Variants in GRIP1 observed in about 807,000 individuals in gnomAD.
GRIP1 encodes the protein glutamate receptor interacting protein 1.
A neutral mutation model predicts 129.9 loss-of-function variants in GRIP1; 45 were observed. The ratio of observed to expected loss-of-function variants is 0.35; its 90% CI spans 0.27 to 0.44. The LOEUF (loss-of-function observed/expected upper bound fraction) is 0.44. Ranked by LOEUF, GRIP1 falls within the 20% of genes least tolerant of loss-of-function variation. The probability of loss-of-function intolerance (pLI) is 1.00; values close to 1 mark genes in which losing one functional copy is unlikely to be tolerated. For synonymous variants in GRIP1, 530 were observed against 520.8 expected (o/e 1.02, Z -0.24); for missense variants, 1,196 against 1,396.8 (o/e 0.86, Z 2.29).
intron 1 of GRIP1, among the ~76,000 whole-genome samples, chr12:66,737,054 T>G (rs947541973): frequency 6.6e-6 from 1 of 152,134 alleles, no homozygotes; most frequent in Admixed American, 6.6e-5. Context: ...TTAGAAGAGC[T>G]GGCCACGATC....
chr12:66,502,058 T>G (rs1026393532), intron 7 of GRIP1, among the ~76,000 whole-genome samples: 4 of 152,194 alleles, frequency 2.6e-5, no homozygotes, highest in Non-Finnish European at 5.9e-5. Flanking sequence ...TTATAGCATT[T>G]TTGTTTTGTA....
chr12:66,866,615 T>C (rs1309486652), intron 1 of GRIP1, among the ~76,000 whole-genome samples: 1 of 152,004 alleles, frequency 6.6e-6, no homozygotes, highest in African/African-American at 2.4e-5. Flanking sequence ...TAACTTAGAG[T>C]GTAATTGGGT....
chr12:66,698,484 G>A (rs1448220128), intron 1 of GRIP1, among the ~76,000 whole-genome samples: 5 of 152,116 alleles, frequency 3.3e-5, no homozygotes, highest in African/African-American at 1.2e-4. Flanking sequence ...CACACGCAAG[G>A]CAGAACTTCA....
At chr12:66,723,239 TCTTCCTTC>T (rs1187415539) in intron 1 of GRIP1, among the ~76,000 whole-genome samples, 49 of 23,588 alleles carry the variant, frequency 2.1e-3, no homozygotes, top group East Asian at 5.9e-3. Flanking sequence ...TCTCTCTCTC[TCTTCCTTC>T]CTTCCTTCCT....
At chr12:66,642,284 G>T (rs889165580) in intron 1 of GRIP1, among the ~76,000 whole-genome samples, 4 of 98,704 alleles carry the variant, frequency 4.1e-5, no homozygotes, top group Admixed American at 1.8e-4. Context: ...GAGAACTCCA[G>T]CAAGAGGGAA....
intron 5 of GRIP1, among the ~76,000 whole-genome samples, chr12:66,524,527 C>A (rs553387413): frequency 6.6e-6 from 1 of 152,080 alleles, no homozygotes; most frequent in Non-Finnish European, 1.5e-5. Flanking sequence ...ACATTCAAAG[C>A]AGTGTGTAGA....
chr12:66,931,247 C>T (rs1239692308), intron 1 of GRIP1, among the ~76,000 whole-genome samples: 5 of 152,280 alleles, frequency 3.3e-5, no homozygotes, highest in South Asian at 4.1e-4. Flanking sequence ...CTGACCAGCC[C>T]GTGTCACAGG....
intron 1 of GRIP1, among the ~76,000 whole-genome samples, chr12:66,775,184 C>A (rs2037939958): frequency 6.6e-6 from 1 of 152,078 alleles, no homozygotes; most frequent in South Asian, 2.1e-4. Context: ...TTTTAAGGAG[C>A]ACAGAGAGGG....
intron 7 of GRIP1, among the ~76,000 whole-genome samples, chr12:66,509,936 T>C (rs1452509973): frequency 6.6e-6 from 1 of 152,040 alleles, no homozygotes; most frequent in Non-Finnish European, 1.5e-5. Context: ...CCTGCACATG[T>C]ACCCCTGAAC....
At chr12:66,607,331 T>C (rs967804100) in intron 1 of GRIP1, among the ~76,000 whole-genome samples, 6 of 152,204 alleles carry the variant, frequency 3.9e-5, no homozygotes, top group African/African-American at 1.2e-4. Flanking sequence ...TTTTAGAAGA[T>C]GAAATCTGGC....
chr12:66,415,600 A>G (rs936579503), intron 15 of GRIP1, among the ~76,000 whole-genome samples: 8 of 152,200 alleles, frequency 5.3e-5, no homozygotes, highest in African/African-American at 1.9e-4. Context: ...AAATTATTCT[A>G]TTATAAAGAT....
intron 1 of GRIP1, among the ~76,000 whole-genome samples, chr12:66,971,549 G>T (rs1445700404): frequency 6.6e-6 from 1 of 152,168 alleles, no homozygotes; most frequent in East Asian, 1.9e-4. Flanking sequence ...ATAGCAACTG[G>T]ATAGTAAGGT....
intron 1 of GRIP1, among the ~76,000 whole-genome samples, chr12:66,802,770 A>C (rs1160331739): frequency 1.3e-5 from 2 of 152,188 alleles, no homozygotes; most frequent in East Asian, 3.8e-4. Flanking sequence ...TTACACATGC[A>C]ATCTGACAAT....
intron 7 of GRIP1, among the ~76,000 whole-genome samples, chr12:66,475,538 C>A (rs558879259): frequency 6.6e-6 from 1 of 152,168 alleles, no homozygotes; most frequent in Non-Finnish European, 1.5e-5. Flanking sequence ...CTTCTCAGCA[C>A]CACACTGCAC....
intron 2 of GRIP1, among the ~76,000 whole-genome samples, chr12:66,571,650 G>C (rs1367352692): frequency 6.6e-6 from 1 of 152,246 alleles, no homozygotes; most frequent in East Asian, 1.9e-4. Context: ...CAAAGCCCAG[G>C]AGAGCATTAC....
intron 1 of GRIP1, among the ~76,000 whole-genome samples, chr12:67,055,198 A>G (rs1440895013): frequency 1.3e-5 from 2 of 152,198 alleles, no homozygotes; most frequent in African/African-American, 4.8e-5. Flanking sequence ...TTTAAAGTAG[A>G]TGAAATAACT....
chr12:66,541,101 C>T (rs2061766937), intron 3 of GRIP1, among the ~76,000 whole-genome samples: 1 of 152,128 alleles, frequency 6.6e-6, no homozygotes. Flanking sequence ...AGGCATGAGT[C>T]ACTGCCCGGC....
At chr12:67,052,766 A>AAGGGAGGG (rs1008096578) in intron 1 of GRIP1, among the ~76,000 whole-genome samples, 2 of 115,944 alleles carry the variant, frequency 1.7e-5, no homozygotes, top group African/African-American at 6.8e-5. Context: ...CTCAAAAATG[A>AAGGGAGGG]AGGGAGGGAG....
intron 7 of GRIP1, among the ~76,000 whole-genome samples, chr12:66,503,554 C>T (rs2060447788): frequency 1.3e-5 from 2 of 152,174 alleles, no homozygotes. Context: ...GCTCCGAAAG[C>T]TTGCCTTGTT....
Sources: gnomAD v4.1 joint callset for allele counts (sites outside exome capture counted in the v4.1 genomes callset) on GRCh38, gnomAD v4.1.1 for gene constraint, MANE v1.5 for transcripts, NCBI Gene and HGNC (gene_info 2026-07-23, HGNC 2026-07-21) for gene names.